The following AP4S1 variants were observed in gnomAD, a reference collection of about 807,000 sequenced individuals.
AP4S1 encodes adaptor related protein complex 4 subunit sigma 1.
In AP4S1, 23 loss-of-function variants were observed where a neutral mutation model predicts 19.8. That is an observed-to-expected ratio of 1.16 (90% CI 0.84 to 1.65). The LOEUF is 1.65. AP4S1 is among the 40% of genes most tolerant of loss of function. The pLI, the probability that AP4S1 is intolerant of heterozygous loss-of-function variation, is 0.00. For missense variants in AP4S1, 166 were observed against 172.8 expected (o/e 0.96, Z 0.22); for synonymous variants, 46 against 54.1 (o/e 0.85, Z 0.66).
rs549248882 is a variant in AP4S1, at chr14:31,093,429, A to T, written c.*394A>T. The T allele has an allele frequency of 6.4e-6, 1 of 156,760 alleles. No individual in the cohort carries two copies. The highest frequency in any genetic ancestry group is 1.9e-4 in the South Asian group (1 of 5,204). 9.7% of individuals were successfully genotyped at this position (156,760 alleles called of 1,614,324 possible). A position where few individuals can be genotyped will look rare whatever the true frequency, so the allele number is the denominator to read the frequency against. The stretch of plus-strand genomic sequence containing the variant: ...GCCAATAAAGTTTTAAAATTTAAAC[A>T]CAAGGCATTTTGAGTAACGCTGTTT... On this transcript the variant is annotated 3_prime_UTR_variant, in exon 6 of 6. Transcript: ENST00000542754.
intron 1 of AP4S1, chr14:31,026,170 C>T (rs1883905579): frequency 2.0e-6 from 3 of 1,482,432 alleles, no homozygotes; most frequent in South Asian, 1.3e-5. Context: ...CCACCGCCTC[C>T]GGCAAGCTCG....
chr14:31,056,941 G>T (rs1200243545), intron 1 of AP4S1, among the ~76,000 whole-genome samples: 1 of 152,144 alleles, frequency 6.6e-6, no homozygotes, highest in Non-Finnish European at 1.5e-5. Context: ...GGGCATGGTG[G>T]TGTGCACCTG....
At chr14:31,043,688 C>G (rs1453126636) in intron 1 of AP4S1, among the ~76,000 whole-genome samples, 1 of 151,998 alleles carries the variant, frequency 6.6e-6, no homozygotes, top group African/African-American at 2.4e-5. Flanking sequence ...AATTTTGAGG[C>G]AAAGAAACAA....
chr14:31,090,705 C>T (rs2139127275), intron 5 of AP4S1, among the ~76,000 whole-genome samples: 1 of 152,356 alleles, frequency 6.6e-6, no homozygotes, highest in South Asian at 2.1e-4. Context: ...TTACCTGGCA[C>T]ATGGCCTAAA....
intron 5 of AP4S1, among the ~76,000 whole-genome samples, chr14:31,086,778 TAG>T (rs1404596221): frequency 6.6e-6 from 1 of 152,072 alleles, no homozygotes. Context: ...AGGTTATATT[TAG>T]AGTCGTAGGA....
At chr14:31,063,152 C>T (rs965774495) in intron 1 of AP4S1, among the ~76,000 whole-genome samples, 2 of 151,736 alleles carry the variant, frequency 1.3e-5, no homozygotes, top group Non-Finnish European at 2.9e-5. Context: ...AAATAAAGGC[C>T]GAGCGCAGTG....
chr14:31,090,988 C>T (rs1192790979), intron 5 of AP4S1, among the ~76,000 whole-genome samples: 1 of 152,188 alleles, frequency 6.6e-6, no homozygotes, highest in African/African-American at 2.4e-5. Context: ...CTCATGTTTC[C>T]AGGATGTTGG....
At chr14:31,026,034 G>C in intron 1 of AP4S1, 1 of 1,536,716 alleles carries the variant, frequency 6.5e-7, no homozygotes, top group African/African-American at 1.4e-5. Flanking sequence ...GCCTGCCGCG[G>C]GACCCGCTCC....
intron 1 of AP4S1, among the ~76,000 whole-genome samples, chr14:31,044,106 A>G (rs12885160): frequency 0.14 from 21,968 of 152,226 alleles, 1,764 homozygotes; most frequent in Non-Finnish European, 0.16. Context: ...GTAAGTATGT[A>G]TGTATGTGAC....
At chr14:31,073,479 G>A (rs1222897532) in intron 4 of AP4S1, among the ~76,000 whole-genome samples, 3 of 147,518 alleles carry the variant, frequency 2.0e-5, no homozygotes, top group Non-Finnish European at 4.5e-5. Context: ...AACAGAGCGA[G>A]ACTCCGTCTC....
At chr14:31,026,112 C>A in intron 1 of AP4S1, 1 of 1,515,482 alleles carries the variant, frequency 6.6e-7, no homozygotes. Context: ...CAGGTTCCCC[C>A]CAGGTCCCTG....
intron 1 of AP4S1, among the ~76,000 whole-genome samples, chr14:31,043,577 A>G (rs1020807010): frequency 3.9e-5 from 6 of 152,196 alleles, no homozygotes; most frequent in African/African-American, 1.4e-4. Context: ...AGTGTTTCAC[A>G]TTTTCCTTAT....
At chr14:31,072,437 C>T (rs1263164796) in intron 3 of AP4S1, among the ~76,000 whole-genome samples, 1 of 151,984 alleles carries the variant, frequency 6.6e-6, no homozygotes, top group East Asian at 1.9e-4. Context: ...GTGGTGCCAT[C>T]ATAGCTCACT....
In AP4S1 at chr14:31,062,899, G is replaced by A. The variant is rs536954907; in HGVS notation, c.-71-3227G>A. Among the ~76,000 whole-genome samples, 16 of 152,004 alleles carry A rather than the reference G, an allele frequency of 1.1e-4. No homozygotes were observed. In the South Asian group the frequency reaches 1.2e-3, roughly 12 times the overall value. On this transcript the variant is annotated intron_variant, in intron 1 of 5. Transcript: ENST00000542754. Reference sequence around the variant, plus strand: ...GGAGAATGGCATGAACCCGGGAGGCGGAGCTTGCAGTGAGCCGAGATTACG... The same window carrying A: ...GGAGAATGGCATGAACCCGGGAGGCAGAGCTTGCAGTGAGCCGAGATTACG...
At chr14:31,047,496 T>G (rs1393090953) in intron 1 of AP4S1, among the ~76,000 whole-genome samples, 1 of 151,570 alleles carries the variant, frequency 6.6e-6, no homozygotes, top group East Asian at 1.9e-4. Flanking sequence ...CACGCCGTTC[T>G]CCTGCCTCAG....
intron 1 of AP4S1, among the ~76,000 whole-genome samples, chr14:31,048,992 G>A (rs968726620): frequency 1.3e-5 from 2 of 151,470 alleles, no homozygotes; most frequent in Admixed American, 6.6e-5. Flanking sequence ...AGTGGCTCAC[G>A]CCTGTAATCC....
intron 1 of AP4S1, among the ~76,000 whole-genome samples, chr14:31,054,031 A>C (rs1885962221): frequency 6.6e-6 from 1 of 152,120 alleles, no homozygotes; most frequent in Admixed American, 6.6e-5. Context: ...TGGAATACTT[A>C]TGTGACTTTT....
chr14:31,031,711 A>G (rs912365142), intron 1 of AP4S1, among the ~76,000 whole-genome samples: 34 of 152,310 alleles, frequency 2.2e-4, no homozygotes, highest in African/African-American at 7.7e-4. Context: ...AAGCCACATT[A>G]TCACCTACAA....
intron 1 of AP4S1, chr14:31,026,466 C>A (rs1029201757): frequency 5.2e-6 from 2 of 388,330 alleles, no homozygotes; most frequent in Non-Finnish European, 9.1e-6. Context: ...GGCGGAGGGC[C>A]GTCACTAGCG....
Sources: allele counts gnomAD v4.1 joint callset (sites outside exome capture counted in the v4.1 genomes callset), GRCh38; gene constraint gnomAD v4.1.1; transcripts MANE v1.5; gene names NCBI Gene and HGNC (gene_info 2026-07-23, HGNC 2026-07-21).